The following GALNT17 variants were observed in gnomAD, a reference collection of about 807,000 sequenced individuals.
The protein encoded by GALNT17 is UDP-GalNAc:polypeptide N-acetylgalactosaminyltransferase-like 3.
In GALNT17, 29 loss-of-function variants were observed where a neutral mutation model predicts 63.7. The ratio of observed to expected loss-of-function variants is 0.46; its 90% CI spans 0.34 to 0.62. GALNT17 has a LOEUF of 0.62. GALNT17 is among the 20% of genes least tolerant of loss of function. The pLI is 0.01. For synonymous variants in GALNT17, 305 were observed against 318.3 expected (o/e 0.96, Z 0.45); for missense variants, 603 against 799.6 (o/e 0.75, Z 2.97).
intron 5 of GALNT17, among the ~76,000 whole-genome samples, chr7:71,505,435 C>CA (rs59735656): frequency 4.6e-5 from 7 of 152,002 alleles, no homozygotes; most frequent in African/African-American, 1.2e-4. Flanking sequence ...CCCATCTCTA[C>CA]AAAAAAATAT....
intron 3 of GALNT17, among the ~76,000 whole-genome samples, chr7:71,395,886 C>CTT (rs1793129589): frequency 1.3e-5 from 2 of 152,098 alleles, no homozygotes; most frequent in Admixed American, 1.3e-4. Context: ...TTTCATTAGT[C>CTT]TATCTTCTTT....
chr7:71,256,144 A>G (rs568719273), intron 1 of GALNT17, among the ~76,000 whole-genome samples: 7 of 152,146 alleles, frequency 4.6e-5, no homozygotes, highest in Non-Finnish European at 1.5e-5. Context: ...TCTTTCATCC[A>G]TTTACCAATC....
At chr7:71,442,413 A>T (rs2116521552) in intron 5 of GALNT17, among the ~76,000 whole-genome samples, 1 of 152,080 alleles carries the variant, frequency 6.6e-6, no homozygotes, top group African/African-American at 2.4e-5. Flanking sequence ...GTTAGCCAGG[A>T]TGGTCTCAAT....
chr7:71,389,788 T>C (rs912936311), intron 3 of GALNT17, among the ~76,000 whole-genome samples: 8 of 152,198 alleles, frequency 5.3e-5, no homozygotes, highest in Non-Finnish European at 1.0e-4. Context: ...AATTCTCCTC[T>C]GGGCCACTGT....
At chr7:71,666,910 G>A (rs1434449609) in intron 7 of GALNT17, among the ~76,000 whole-genome samples, 2 of 152,242 alleles carry the variant, frequency 1.3e-5, no homozygotes. Flanking sequence ...AGGGTTGGCT[G>A]TACCTTATTT....
intron 5 of GALNT17, among the ~76,000 whole-genome samples, chr7:71,555,126 T>C (rs933970872): frequency 1.3e-5 from 2 of 152,050 alleles, no homozygotes. Flanking sequence ...GCTGAACTCA[T>C]TACCACAGGG....
At chr7:71,633,735 A>G (rs1790489803) in intron 6 of GALNT17, among the ~76,000 whole-genome samples, 2 of 152,224 alleles carry the variant, frequency 1.3e-5, no homozygotes, top group South Asian at 4.1e-4. Context: ...CAGAGAGGAA[A>G]TGAGTCATCT....
chr7:71,343,500 T>C (rs1792040669), intron 2 of GALNT17, among the ~76,000 whole-genome samples: 1 of 152,238 alleles, frequency 6.6e-6, no homozygotes, highest in African/African-American at 2.4e-5. Flanking sequence ...TCCAAAATGC[T>C]GTTTTCCATT....
intron 5 of GALNT17, among the ~76,000 whole-genome samples, chr7:71,544,124 C>CTTTTTT (rs60144462): frequency 1.4e-4 from 18 of 132,438 alleles, no homozygotes; most frequent in South Asian, 2.5e-4. Flanking sequence ...TTTCTTTTTT[C>CTTTTTT]TTTTTTTTTT....
At chr7:71,242,244 C>CTT (rs796157853) in intron 1 of GALNT17, among the ~76,000 whole-genome samples, 1 of 117,064 alleles carries the variant, frequency 8.5e-6, no homozygotes. Context: ...GATCACATTT[C>CTT]TTTTTTTTTT....
intron 6 of GALNT17, among the ~76,000 whole-genome samples, chr7:71,610,258 A>G (rs2116950922): frequency 6.6e-6 from 1 of 152,284 alleles, no homozygotes; most frequent in East Asian, 1.9e-4. Flanking sequence ...TGGTAAGTCA[A>G]GGTAGGAGGA....
chr7:71,190,436 C>T (rs1788930746), intron 1 of GALNT17, among the ~76,000 whole-genome samples: 1 of 152,086 alleles, frequency 6.6e-6, no homozygotes, highest in African/African-American at 2.4e-5. Context: ...AGTGCCTGCT[C>T]CTGCTTCACC....
At chr7:71,177,089 C>T (rs1788652512) in intron 1 of GALNT17, among the ~76,000 whole-genome samples, 1 of 152,146 alleles carries the variant, frequency 6.6e-6, no homozygotes, top group South Asian at 2.1e-4. Flanking sequence ...ATGGAGTGCG[C>T]TGTTGCTGGT....
intron 9 of GALNT17, among the ~76,000 whole-genome samples, chr7:71,687,923 C>T (rs1791386307): frequency 6.6e-6 from 1 of 152,006 alleles, no homozygotes; most frequent in African/African-American, 2.4e-5. Flanking sequence ...GTCTCAAACT[C>T]CTAGGCTCGA....
rs1420071931 is a variant in GALNT17, at chr7:71,712,243, C to T, written c.*97C>T. 8.6e-6 allele frequency: 13 copies of T among 1,514,160 alleles called. No individual in the cohort carries two copies. The South Asian group carries it at 1.0e-4, about 12-fold the overall frequency. 93.8% of individuals were successfully genotyped at this position (1,514,160 alleles called of 1,614,324 possible). A position where few individuals can be genotyped will look rare whatever the true frequency, so the allele number is the denominator to read the frequency against. ...CCCTGGCGGAGAGACAGCAAGGGGC[C>T]GGCAGGTGCTCGATGGGCCCCCCAG... is the stretch of plus-strand genomic sequence containing the variant. On this transcript the variant is annotated 3_prime_UTR_variant, in exon 11 of 11. Transcript: ENST00000333538.
chr7:71,380,730 G>C (rs1274104229), intron 2 of GALNT17, among the ~76,000 whole-genome samples: 1 of 152,104 alleles, frequency 6.6e-6, no homozygotes, highest in African/African-American at 2.4e-5. Flanking sequence ...GTGGGAGGAG[G>C]CTGGGATCCA....
chr7:71,632,030 G>A (rs535317946), intron 6 of GALNT17, among the ~76,000 whole-genome samples: 12 of 151,874 alleles, frequency 7.9e-5, no homozygotes, highest in Non-Finnish European at 1.5e-4. Flanking sequence ...TGACAGGTGT[G>A]AGCCACTGCA....
At chr7:71,159,020 G>T (rs189352790) in intron 1 of GALNT17, among the ~76,000 whole-genome samples, 1 of 151,812 alleles carries the variant, frequency 6.6e-6, no homozygotes, top group Admixed American at 6.6e-5. Flanking sequence ...TCCTATATCA[G>T]CTTATTATAA....
At chr7:71,681,615 G>T (rs1269030048) in intron 9 of GALNT17, among the ~76,000 whole-genome samples, 1 of 152,190 alleles carries the variant, frequency 6.6e-6, no homozygotes, top group African/African-American at 2.4e-5. Context: ...GGCTGTGCCG[G>T]ATCATCCTTT....
Sources: allele counts gnomAD v4.1 joint callset (sites outside exome capture counted in the v4.1 genomes callset), GRCh38; gene constraint gnomAD v4.1.1; transcripts MANE v1.5; gene names NCBI Gene and HGNC (gene_info 2026-07-23, HGNC 2026-07-21).